Variants in HNMT observed in about 807,000 individuals in gnomAD.
HNMT encodes histamine N-methyltransferase.
HNMT carries 30 observed loss-of-function variants against 32.1 expected under a neutral mutation model. That is an observed-to-expected ratio of 0.93 (90% confidence interval 0.70 to 1.27). The LOEUF (loss-of-function observed/expected upper bound fraction) is 1.27, where lower values mean the gene tolerates loss of function less well. HNMT is among the 50% of genes most tolerant of loss of function. The pLI is 0.00. For missense variants in HNMT, 327 were observed against 346.0 expected (o/e 0.95, Z 0.43); for synonymous variants, 125 against 119.0 (o/e 1.05, Z -0.33).
intron 2 of HNMT, among the ~76,000 whole-genome samples, chr2:137,996,448 G>C (rs1680997419): frequency 6.6e-6 from 1 of 151,952 alleles, no homozygotes; most frequent in Non-Finnish European, 1.5e-5. Flanking sequence ...AAAATACCTA[G>C]GAATACAGCT....
chr2:137,981,595 G>A lies in HNMT; in HGVS notation c.190+11378G>A, dbSNP rs140965937. 274 of 539,608 alleles carry A rather than the reference G, an allele frequency of 5.1e-4. 1 individual carries two copies. Among genetic ancestry groups the A allele is most frequent in the African/African-American group, 4.8e-3 (255 of 53,158 alleles). 33.4% of individuals were successfully genotyped at this position (539,608 alleles called of 1,614,324 possible). On this transcript the variant is annotated intron_variant, in intron 2 of 5. Coordinates refer to ENST00000280097, the MANE Select transcript of HNMT (RefSeq NM_006895.3). ...ATGGTTAGAACCTGACATTTAGTGG[G>A]TGCTCAATAATATTTGTTGAAGTAA...
chr2:138,001,222 A>G (rs1411908801), intron 3 of HNMT, among the ~76,000 whole-genome samples, 197 bp downstream of exon 3: 1 of 152,180 alleles, frequency 6.6e-6, no homozygotes, highest in Non-Finnish European at 1.5e-5. Flanking sequence ...TCCCTTTTCT[A>G]TTAACACTTC....
At chr2:137,965,751 G>A (rs1022193681) in intron 1 of HNMT, among the ~76,000 whole-genome samples, 10 of 152,136 alleles carry the variant, frequency 6.6e-5, no homozygotes, top group Non-Finnish European at 1.3e-4. Context: ...AAGGTAATGA[G>A]TTAATTTCTC....
intron 2 of HNMT, among the ~76,000 whole-genome samples, chr2:137,971,001 A>ATG (rs1680118745): frequency 2.0e-5 from 3 of 151,282 alleles, no homozygotes; most frequent in African/African-American, 4.9e-5. Context: ...ATATAAACTG[A>ATG]TGCACAGCTT....
intron 2 of HNMT, among the ~76,000 whole-genome samples, chr2:137,993,517 A>C (rs1448013054): frequency 4.6e-5 from 7 of 152,188 alleles, no homozygotes; most frequent in Admixed American, 4.6e-4. Context: ...TCCAAGAAAT[A>C]TGAGACTTCA....
At chr2:137,988,871 T>C (rs1488817452) in intron 2 of HNMT, 1 of 152,170 alleles carries the variant, frequency 6.6e-6, no homozygotes, top group Non-Finnish European at 1.5e-5. Context: ...CAAGACTGTT[T>C]CAAAAAAATA....
intron 2 of HNMT, among the ~76,000 whole-genome samples, chr2:137,976,839 T>G (rs1257099925): frequency 1.3e-5 from 2 of 152,236 alleles, no homozygotes; most frequent in Non-Finnish European, 2.9e-5. Context: ...CCCCATTGTA[T>G]TGTATTTAAA....
At chr2:137,966,787 A>G (rs142192362) in intron 1 of HNMT, among the ~76,000 whole-genome samples, 2,027 of 152,294 alleles carry the variant, frequency 0.013, 19 homozygotes, top group Non-Finnish European at 0.019. Flanking sequence ...CAGTTTAGGA[A>G]GATCTGCTTT....
At chr2:137,974,732 T>C (rs1680236813) in intron 2 of HNMT, among the ~76,000 whole-genome samples, 1 of 152,246 alleles carries the variant, frequency 6.6e-6, no homozygotes, top group South Asian at 2.1e-4. Flanking sequence ...TTCATTAACC[T>C]ATTGTATATT....
Position 137,965,007 on chromosome 2 carries a change from T to A in HNMT, c.137+379T>A, listed in dbSNP as rs541844642. Among the ~76,000 whole-genome samples the A allele has an allele frequency of 7.9e-5, 12 of 152,324 alleles. No individual in the cohort carries two copies. The South Asian group carries it at 2.5e-3, about 32-fold the overall frequency. ...TCCCAAAGGGAGTCTGGTATGCTTT[T>A]CATTAGAATCAAATATAAATAATTG... On this transcript the variant is annotated intron_variant, in intron 1 of 5. Coordinates refer to ENST00000280097, the MANE Select transcript of HNMT (RefSeq NM_006895.3).
chr2:137,986,783 G>A (rs192492505), intron 2 of HNMT, among the ~76,000 whole-genome samples: 6 of 152,072 alleles, frequency 3.9e-5, no homozygotes, highest in East Asian at 3.9e-4. Flanking sequence ...TAATTCTATC[G>A]CCATTAGATA....
rs1299405673 is a variant in HNMT, at chr2:138,013,817, G to A, written c.566G>A (p.Arg189His). ...WDKLWKKYGSRFPQDDLCQYI... is the reference protein window; with the variant it reads ...WDKLWKKYGSHFPQDDLCQYI... ...AAGCTGTGGAAAAAGTACGGATCAC[G>A]CTTTCCCCAGGATGACCTCTGCCAG... Residue 189 changes from arginine (R) to histidine (H), a missense_variant, in exon 6 of 6, where the codon CGC (arginine) becomes CAC (histidine). Coordinates refer to ENST00000280097, the MANE Select transcript of HNMT (RefSeq NM_006895.3). The A allele has an allele frequency of 5.6e-6, 9 of 1,613,334 alleles. No homozygotes were observed. The highest frequency in any genetic ancestry group is 5.3e-5 in the African/African-American group (4 of 74,876).
chr2:138,011,568 G>A (rs1202952812), intron 5 of HNMT, among the ~76,000 whole-genome samples: 13 of 152,048 alleles, frequency 8.5e-5, no homozygotes, highest in Admixed American at 7.2e-4. Flanking sequence ...ATCCATGCAT[G>A]AGCGCCAAGG....
rs1303726699 is a variant in HNMT, at chr2:138,005,136, T to C, written c.434T>C (p.Leu145Pro). The stretch of plus-strand genomic sequence containing the variant: ...TCTCTTTTTCCTCCTTTCTAGATGC[T>C]GTATTATGTAAAAGACATCCCAGCT... ...KWDFIHMIQM[L>P]YYVKDIPATL... Residue 145 changes from leucine (L) to proline (P), a missense_variant, in exon 5 of 6, where the codon CTG (leucine) becomes CCG (proline). Transcript: ENST00000280097. 1 of 1,544,344 alleles carries C rather than the reference T, an allele frequency of 6.5e-7. No homozygotes were observed. The highest frequency in any genetic ancestry group is 2.3e-5 in the East Asian group (1 of 44,444).
At chr2:138,013,630 C>T in intron 5 of HNMT, 145 bp from the exon 6 acceptor site, 1 of 603,402 alleles carries the variant, frequency 1.7e-6, no homozygotes, top group Non-Finnish European at 2.9e-6. Context: ...TTATTTTTCT[C>T]TCTCCTCCTG....
At chr2:137,994,912 G>T (rs1023550501) in intron 2 of HNMT, among the ~76,000 whole-genome samples, 1 of 152,174 alleles carries the variant, frequency 6.6e-6, no homozygotes, top group Non-Finnish European at 1.5e-5. Context: ...GCTCCTGAAT[G>T]ACTCCTGGGT....
chr2:137,974,016 A>G lies in HNMT; in HGVS notation c.190+3799A>G, dbSNP rs541767071. Among the ~76,000 whole-genome samples, 136 of 152,158 alleles carry G rather than the reference A, an allele frequency of 8.9e-4. 2 individuals carry two copies. Among genetic ancestry groups the G allele is most frequent in the Admixed American group, 1.2e-3 (18 of 15,294 alleles). ...GGTAGATGACTCTGAGTCATCTACC[A>G]TATCAATAAATTATAACTGGTAAAT... On this transcript the variant is annotated intron_variant, in intron 2 of 5. Transcript: ENST00000280097.
rs145268747 is a variant in HNMT at position 138,008,513 on chromosome 2, G to A, written c.523+3288G>A. Reference sequence around the variant, plus strand: ...CCTCTGGGTATATACCCAGTAATAGGTTTCCAAACCATACTATAGGGGGGT... The same window carrying A: ...CCTCTGGGTATATACCCAGTAATAGATTTCCAAACCATACTATAGGGGGGT... On this transcript the variant is annotated intron_variant, in intron 5 of 5. Transcript: ENST00000280097. Among the ~76,000 whole-genome samples, 348 of 151,900 alleles carry A rather than the reference G, an allele frequency of 2.3e-3. 1 individual carries two copies. The highest frequency in any genetic ancestry group is 7.9e-3 in the African/African-American group (328 of 41,478).
At chr2:138,005,392 A>G (rs1189037259) in intron 5 of HNMT, among the ~76,000 whole-genome samples, 167 bp downstream of exon 5, 1 of 152,122 alleles carries the variant, frequency 6.6e-6, no homozygotes, top group Non-Finnish European at 1.5e-5. Flanking sequence ...GTCATTCACA[A>G]CAGTTCTCAA....
Sources: gnomAD v4.1 joint callset for allele counts (sites outside exome capture counted in the v4.1 genomes callset) on GRCh38, gnomAD v4.1.1 for gene constraint, MANE v1.5 for transcripts, NCBI Gene and HGNC (gene_info 2026-07-23, HGNC 2026-07-21) for gene names.